The following MTMR8 variants were observed in gnomAD, a reference collection of about 807,000 sequenced individuals.
MTMR8 encodes the protein myotubularin related protein 8.
In MTMR8, 65 loss-of-function variants were observed where a neutral mutation model predicts 39.3. The ratio of observed to expected loss-of-function variants is 1.65; its 90% CI spans 1.35 to 2.03. MTMR8 has a LOEUF of 2.03. MTMR8 is among the 30% of genes most tolerant of loss of function. The pLI, the probability that MTMR8 is intolerant of heterozygous loss-of-function variation, is 0.00. For synonymous variants in MTMR8, 245 were observed against 185.2 expected, an observed-to-expected ratio of 1.32 and a Z score of -2.62; for missense variants, 777 against 538.9, an observed-to-expected ratio of 1.44 and a Z score of -4.37.
intron 12 of MTMR8, chrX:64,306,072 C>A (rs761686733): frequency 8.2e-5 from 17 of 206,259 alleles, no homozygotes; most frequent in Non-Finnish European, 1.4e-4. Flanking sequence ...GCTGTGTTTG[C>A]GCCACTGCAT....
intron 12 of MTMR8, among the ~76,000 whole-genome samples, chrX:64,325,864 G>T (rs970051341): frequency 8.9e-6 from 1 of 111,801 alleles, no homozygotes; most frequent in East Asian, 2.8e-4. Flanking sequence ...GGTTGCAGAT[G>T]ACATGAGTGT....
intron 12 of MTMR8, among the ~76,000 whole-genome samples, chrX:64,315,518 C>A (rs1260422546): frequency 2.7e-5 from 3 of 112,015 alleles, no homozygotes; most frequent in Non-Finnish European, 5.6e-5. Context: ...AAATAAATTT[C>A]TTCTGAAGTC....
At chrX:64,304,142 A>G (rs976567335) in intron 12 of MTMR8, among the ~76,000 whole-genome samples, 1 of 112,349 alleles carries the variant, frequency 8.9e-6, no homozygotes, top group Non-Finnish European at 1.9e-5. Context: ...AGTCAACTAA[A>G]AAGAAAGCCA....
intron 12 of MTMR8, among the ~76,000 whole-genome samples, chrX:64,301,698 C>T (rs1380054861): frequency 6.3e-5 from 7 of 111,222 alleles, no homozygotes; most frequent in Admixed American, 5.7e-4. Context: ...TTTTCCCCAT[C>T]TTTGCGGTTT....
At chrX:64,283,410 T>C (rs905931866) in intron 12 of MTMR8, among the ~76,000 whole-genome samples, 1 of 112,139 alleles carries the variant, frequency 8.9e-6, no homozygotes, top group Non-Finnish European at 1.9e-5. Flanking sequence ...AGGGTATAGC[T>C]GAACAAAAGG....
chrX:64,272,954 C>T (rs920526869), intron 12 of MTMR8, among the ~76,000 whole-genome samples: 18 of 111,105 alleles, frequency 1.6e-4, no homozygotes, highest in African/African-American at 5.2e-4. Context: ...TCTTCAAAAA[C>T]GAAAGAGAGA....
chrX:64,296,821 A>AT (rs1193858773), intron 12 of MTMR8, among the ~76,000 whole-genome samples: 1 of 100,443 alleles, frequency 1.0e-5, no homozygotes, highest in African/African-American at 3.7e-5. Flanking sequence ...ATGAGTGAGA[A>AT]TATGCGGTGT....
chrX:64,306,204 C>A, intron 12 of MTMR8: 2 of 327,450 alleles, frequency 6.1e-6, no homozygotes, highest in South Asian at 3.4e-5. Context: ...TATGATAGTT[C>A]TCAATGCCCA....
intron 12 of MTMR8, among the ~76,000 whole-genome samples, chrX:64,328,395 G>A (rs1251954224): frequency 1.8e-5 from 2 of 111,255 alleles, no homozygotes; most frequent in Non-Finnish European, 3.8e-5. Flanking sequence ...CAGAAGCTTT[G>A]GAAAAATATA....
At chrX:64,300,245 T>C (rs937674763) in intron 12 of MTMR8, among the ~76,000 whole-genome samples, 15 of 110,747 alleles carry the variant, frequency 1.4e-4, no homozygotes, top group Non-Finnish European at 2.5e-4. Flanking sequence ...CAGGACTTGC[T>C]TCATGAATCT....
At chrX:64,312,501 T>C (rs929607525) in intron 12 of MTMR8, among the ~76,000 whole-genome samples, 1 of 112,097 alleles carries the variant, frequency 8.9e-6, no homozygotes, top group Non-Finnish European at 1.9e-5. Flanking sequence ...GAGAAAGAAA[T>C]AAAGGATATT....
At chrX:64,380,391 G>C (rs757307323) in intron 1 of MTMR8, among the ~76,000 whole-genome samples, 1 of 112,501 alleles carries the variant, frequency 8.9e-6, no homozygotes, top group Non-Finnish European at 1.9e-5. Context: ...TATATGCCAG[G>C]GGAGATTTAA....
chrX:64,383,610 C>A (rs192345370), intron 1 of MTMR8, among the ~76,000 whole-genome samples: 2 of 109,570 alleles, frequency 1.8e-5, no homozygotes, highest in African/African-American at 3.3e-5. Flanking sequence ...ACTCACACTG[C>A]GAGAGAAGAA....
At chrX:64,355,076 G>C in intron 3 of MTMR8, 142 bp from the exon 4 acceptor site, 1 of 454,018 alleles carries the variant, frequency 2.2e-6, no homozygotes, top group Non-Finnish European at 3.4e-6. Context: ...GTGTGTGCAA[G>C]TTTGCCTTTA....
At chrX:64,270,674 C>A (rs1457629704) in intron 13 of MTMR8, among the ~76,000 whole-genome samples, 2 of 111,857 alleles carry the variant, frequency 1.8e-5, no homozygotes, top group Non-Finnish European at 3.8e-5. Flanking sequence ...CCTAGTCATT[C>A]CCTCTTGTTC....
At chrX:64,359,591 C>T in intron 1 of MTMR8, 64 bp from the exon 2 acceptor site, 2 of 1,073,247 alleles carry the variant, frequency 1.9e-6, no homozygotes, top group Middle Eastern at 3.4e-4. Context: ...GAAGTGGGGC[C>T]ATTCAAAGCA....
intron 1 of MTMR8, among the ~76,000 whole-genome samples, chrX:64,393,979 C>T (rs1235759804): frequency 6.2e-5 from 7 of 112,138 alleles, no homozygotes; most frequent in Admixed American, 9.4e-5. Flanking sequence ...TCTGTTTTCA[C>T]GCTGCTGATG....
At chrX:64,292,225 C>A (rs1009266076) in intron 12 of MTMR8, among the ~76,000 whole-genome samples, 13 of 111,969 alleles carry the variant, frequency 1.2e-4, no homozygotes, top group African/African-American at 4.2e-4. Flanking sequence ...TAGTCCTCTG[C>A]TATCATGACA....
At chrX:64,367,656 C>G (rs974030903) in intron 1 of MTMR8, among the ~76,000 whole-genome samples, 24 of 111,958 alleles carry the variant, frequency 2.1e-4, no homozygotes, top group African/African-American at 7.8e-4. Flanking sequence ...CAATATCATA[C>G]TGAATGGGCA....
Sources: allele counts gnomAD v4.1 joint callset (sites outside exome capture counted in the v4.1 genomes callset), GRCh38; gene constraint gnomAD v4.1.1; transcripts MANE v1.5; gene names NCBI Gene and HGNC (gene_info 2026-07-23, HGNC 2026-07-21).